The following PRKAG1 variants were observed in gnomAD, a reference collection of about 807,000 sequenced individuals.
The protein encoded by PRKAG1 is 5'-AMP-activated protein kinase subunit gamma-1.
PRKAG1 carries 27 observed loss-of-function variants against 48.2 expected under a neutral mutation model. The observed-to-expected ratio is 0.56, with a 90% CI of 0.41 to 0.77. The LOEUF is 0.77. Among genes scored for constraint, PRKAG1 ranks in the 30% least tolerant of loss-of-function variants. PRKAG1 has a pLI of 0.00. For synonymous variants in PRKAG1, 130 were observed against 147.7 expected, an observed-to-expected ratio of 0.88 and a Z score of 0.87; for missense variants, 287 against 398.3, an observed-to-expected ratio of 0.72 and a Z score of 2.38.
At chr12:49,018,143 G>C (rs1394900978) in intron 1 of PRKAG1, 2 of 153,146 alleles carry the variant, frequency 1.3e-5, no homozygotes. Flanking sequence ...GTCGCAGAGC[G>C]GGCCATGACC....
At chr12:49,015,714 A>G (rs1941941659) in intron 1 of PRKAG1, among the ~76,000 whole-genome samples, 1 of 152,164 alleles carries the variant, frequency 6.6e-6, no homozygotes. Context: ...CTGGGACTAC[A>G]GATGCCTGCC....
At chr12:49,008,824 T>C (rs1301866684) in intron 2 of PRKAG1, among the ~76,000 whole-genome samples, 1 of 152,220 alleles carries the variant, frequency 6.6e-6, no homozygotes, top group Non-Finnish European at 1.5e-5. Flanking sequence ...TGTGACTTTT[T>C]TTTCCTCTCT....
chr12:49,008,690 G>A (rs1272993450), intron 2 of PRKAG1: 3 of 152,074 alleles, frequency 2.0e-5, no homozygotes, highest in Admixed American at 6.5e-5. Context: ...TTTATAATTC[G>A]GCTGAATAGA....
At chr12:49,004,912 C>G in intron 7 of PRKAG1, 52 bp downstream of exon 7, 1 of 1,579,396 alleles carries the variant, frequency 6.3e-7, no homozygotes, top group Non-Finnish European at 8.7e-7. Flanking sequence ...ATTAGCTAGG[C>G]TGATGACAAA....
At chr12:49,012,165 G>A (rs982552690) in intron 2 of PRKAG1, among the ~76,000 whole-genome samples, 4 of 151,918 alleles carry the variant, frequency 2.6e-5, no homozygotes, top group East Asian at 1.9e-4. Flanking sequence ...CCCAGCTGTC[G>A]CCTTCTTTTC....
intron 7 of PRKAG1, 54 bp from the exon 8 acceptor site, chr12:49,004,687 A>T: frequency 6.2e-7 from 1 of 1,612,088 alleles, no homozygotes; most frequent in African/African-American, 1.3e-5. Flanking sequence ...GGGGGTGATT[A>T]AACAGGTCCA....
At position 49,002,896 on chromosome 12, in the gene PRKAG1, A is replaced by G; in HGVS notation, c.*3T>C. On this transcript the variant is annotated 3_prime_UTR_variant, in exon 12 of 12. Coordinates refer to ENST00000548065, the MANE Select transcript of PRKAG1 (RefSeq NM_002733.5). Reference sequence around the variant, plus strand: ...CTGGTGCTGCATGACCCCTTCCCCCAGCTCAGGGCTTCTTCTCTCCACCTG... The same window carrying G: ...CTGGTGCTGCATGACCCCTTCCCCCGGCTCAGGGCTTCTTCTCTCCACCTG... 1 of 1,613,160 alleles carries G rather than the reference A, an allele frequency of 6.2e-7. No homozygotes were observed. The highest frequency in any genetic ancestry group is 1.3e-5 in the African/African-American group (1 of 75,014).
intron 2 of PRKAG1, 82 bp downstream of exon 2, chr12:49,012,980 G>A: frequency 7.3e-7 from 1 of 1,377,836 alleles, no homozygotes; most frequent in Non-Finnish European, 1.0e-6. Flanking sequence ...TTCCAGGGGA[G>A]AGATTCAAAA....
intron 7 of PRKAG1, 29 bp from the exon 8 acceptor site, chr12:49,004,662 C>G: frequency 6.2e-7 from 1 of 1,613,596 alleles, no homozygotes; most frequent in Non-Finnish European, 8.5e-7. Context: ...TAATAAGTTC[C>G]ACAGTGCTGG....
At chr12:49,013,636 T>C (rs1265979038) in intron 1 of PRKAG1, among the ~76,000 whole-genome samples, 1 of 152,196 alleles carries the variant, frequency 6.6e-6, no homozygotes, top group Non-Finnish European at 1.5e-5. Context: ...AGATTGTCTC[T>C]GAGGGTCAAG....
chr12:49,017,601 A>AT (rs1942045602), intron 1 of PRKAG1: 1 of 167,774 alleles, frequency 6.0e-6, no homozygotes. Context: ...CTATATAAAA[A>AT]TGCTTTGTAA....
chr12:49,018,586 A>T, intron 1 of PRKAG1, 146 bp downstream of exon 1: 1 of 1,503,372 alleles, frequency 6.7e-7, no homozygotes, highest in Non-Finnish European at 8.9e-7. Flanking sequence ...GCGGAGGAAC[A>T]GGGTCACGGG....
In PRKAG1 at chr12:49,003,518, C is replaced by G. The variant is rs201939310; in HGVS notation, c.741+40G>C. Reference sequence around the variant, plus strand: ...TCCATATTTAACAGTGCCCCCCCCCCACCACTTCCCTACCTCCCAGACCCT... The same window carrying G: ...TCCATATTTAACAGTGCCCCCCCCCGACCACTTCCCTACCTCCCAGACCCT... On this transcript the variant is annotated intron_variant, in intron 10 of 11. Coordinates refer to ENST00000548065, the MANE Select transcript of PRKAG1 (RefSeq NM_002733.5). 131 of 1,598,522 alleles carry G rather than the reference C, an allele frequency of 8.2e-5. No individual in the cohort carries two copies. In the African/African-American group the frequency reaches 1.4e-3, roughly 17 times the overall value.
intron 1 of PRKAG1, chr12:49,016,544 T>G (rs138352100): frequency 6.6e-6 from 1 of 152,512 alleles, no homozygotes; most frequent in African/African-American, 2.4e-5. Context: ...ATGTTAGAAA[T>G]GTCTCAGATC....
intron 7 of PRKAG1, 111 bp downstream of exon 7, chr12:49,004,853 G>A: frequency 9.0e-7 from 1 of 1,108,282 alleles, no homozygotes; most frequent in Non-Finnish European, 1.4e-6. Flanking sequence ...GTGTGTGTGT[G>A]TGTGTGTGTC....
At chr12:49,017,643 G>A (rs1042939687) in intron 1 of PRKAG1, 1 of 155,186 alleles carries the variant, frequency 6.4e-6, no homozygotes, top group Non-Finnish European at 1.4e-5. Context: ...AGTAGAATAT[G>A]ACATGTCATT....
At chr12:49,016,319 T>C (rs1370086392) in intron 1 of PRKAG1, among the ~76,000 whole-genome samples, 1 of 152,186 alleles carries the variant, frequency 6.6e-6, no homozygotes, top group Non-Finnish European at 1.5e-5. Context: ...AGAGACACAG[T>C]CTACATCTGA....
intron 11 of PRKAG1, 25 bp downstream of exon 11, chr12:49,003,119 C>T: frequency 6.2e-7 from 1 of 1,614,068 alleles, no homozygotes; most frequent in Non-Finnish European, 8.5e-7. Context: ...CCCCTCAGCT[C>T]CTTTAGGGTT....
intron 1 of PRKAG1, chr12:49,017,976 G>C (rs1942062736): frequency 6.6e-6 from 1 of 152,238 alleles, no homozygotes; most frequent in African/African-American, 2.4e-5. Context: ...GTGTATGGGA[G>C]GGGTTACAGA....
Sources: allele counts gnomAD v4.1 joint callset (sites outside exome capture counted in the v4.1 genomes callset), GRCh38; gene constraint gnomAD v4.1.1; transcripts MANE v1.5; gene names NCBI Gene and HGNC (gene_info 2026-07-23, HGNC 2026-07-21).